The following ZNF469 variants were observed in gnomAD, a reference collection of about 807,000 sequenced individuals.
ZNF469 encodes the protein zinc finger protein 469.
Under a neutral mutation model 1.0 loss-of-function variants are expected in ZNF469, and 1 was observed. The observed-to-expected ratio is 1.00, with a 90% CI of 0.35 to 4.73. The LOEUF (loss-of-function observed/expected upper bound fraction) is 4.73, where lower values mean the gene tolerates loss of function less well. ZNF469 is among the 30% of genes most tolerant of loss of function. The pLI, the probability that ZNF469 is intolerant of heterozygous loss-of-function variation, is 0.16. For synonymous variants in ZNF469, 2,703 were observed against 2,363.4 expected, an observed-to-expected ratio of 1.14 and a Z score of -4.17; for missense variants, 6,100 against 5,356.3, an observed-to-expected ratio of 1.14 and a Z score of -4.33.
chr16:88,160,020 C>T, the ZNF469 span, among the ~76,000 whole-genome samples: 4 of 152,300 alleles, frequency 2.6e-5, no homozygotes, highest in African/African-American at 9.6e-5. Flanking sequence ...CTTGTTTTCC[C>T]CCTTTCTGAC....
At chr16:88,131,727 C>A in the ZNF469 span, among the ~76,000 whole-genome samples, 3 of 152,258 alleles carry the variant, frequency 2.0e-5, no homozygotes, top group African/African-American at 7.2e-5. Context: ...GGCCACACGG[C>A]GTCCACTGCA....
At chr16:88,420,063 G>A (rs1441805275) in intron 1 of ZNF469, among the ~76,000 whole-genome samples, 1 of 152,206 alleles carries the variant, frequency 6.6e-6, no homozygotes, top group Non-Finnish European at 1.5e-5. Flanking sequence ...TGGAAAGCGG[G>A]GCCACACGCA....
intron 1 of ZNF469, among the ~76,000 whole-genome samples, chr16:88,420,634 C>T (rs1265385703): frequency 1.3e-5 from 2 of 152,226 alleles, no homozygotes; most frequent in African/African-American, 4.8e-5. Flanking sequence ...GAGTTCACAC[C>T]ACACGCAATC....
intron 1 of ZNF469, among the ~76,000 whole-genome samples, chr16:88,414,786 C>T (rs1905262299): frequency 1.3e-5 from 2 of 152,384 alleles, no homozygotes; most frequent in African/African-American, 4.8e-5. Context: ...CTCACCAGGC[C>T]ACTGTGGCCA....
chr16:88,430,862 G>C lies in ZNF469; in HGVS notation c.3392G>C (p.Arg1131Thr). 1 of 1,537,060 alleles carries C rather than the reference G, an allele frequency of 6.5e-7. No individual in the cohort carries two copies. The highest frequency in any genetic ancestry group is 8.7e-7 in the Non-Finnish European group (1 of 1,146,196). The change falls in exon 3 of 3, where the codon AGA (arginine) becomes ACA (threonine). Residue 1131 changes from arginine (R) to threonine (T), a missense_variant. Transcript: ENST00000565624. ...GAAGTGGAGCTGACCCAGGGTCCCA[G>C]AGAGGATGAGCCACAGAAACCCCGG... The part of the protein sequence containing the change: ...RKEVELTQGP[R>T]EDEPQKPRKA...
the ZNF469 span, among the ~76,000 whole-genome samples, chr16:88,318,998 C>T: frequency 2.0e-5 from 3 of 152,334 alleles, no homozygotes; most frequent in South Asian, 2.1e-4. Flanking sequence ...CAGGACCAGA[C>T]GGGGCACCCC....
the ZNF469 span, among the ~76,000 whole-genome samples, chr16:88,254,133 T>C: frequency 6.6e-6 from 1 of 152,184 alleles, no homozygotes; most frequent in Non-Finnish European, 1.5e-5. Flanking sequence ...TCTGTAAACA[T>C]TACTGCTCTA....
chr16:88,176,764 C>CCAA, the ZNF469 span, among the ~76,000 whole-genome samples: 35 of 152,378 alleles, frequency 2.3e-4, 1 homozygote, highest in South Asian at 6.2e-4. Flanking sequence ...GCCACAACCC[C>CCAA]CAACGCCCAG....
chr16:88,262,789 A>G, the ZNF469 span, among the ~76,000 whole-genome samples: 8 of 152,066 alleles, frequency 5.3e-5, no homozygotes, highest in Admixed American at 2.0e-4. The surrounding 1 kb of genome is among the most constrained non-coding windows in gnomAD (Gnocchi z 4.3). Flanking sequence ...AAAGATTCTC[A>G]TAAACAGAGG....
At chr16:88,276,950 C>T in the ZNF469 span, among the ~76,000 whole-genome samples, 184 of 147,910 alleles carry the variant, frequency 1.2e-3, 2 homozygotes, top group East Asian at 0.025. Context: ...GATATCAGTG[C>T]GTGGTTAGTG....
At chr16:88,129,970 C>T in the ZNF469 span, among the ~76,000 whole-genome samples, 22 of 152,250 alleles carry the variant, frequency 1.4e-4, 1 homozygote, top group East Asian at 5.8e-4. Context: ...CAGTTTCAGA[C>T]TCAGCTTTTC....
At chr16:88,251,625 C>G in the ZNF469 span, among the ~76,000 whole-genome samples, 1 of 131,110 alleles carries the variant, frequency 7.6e-6, no homozygotes, top group Non-Finnish European at 1.5e-5. Context: ...GTGGCGTGAT[C>G]TCGGCTCACT....
chr16:88,303,876 CCACACTCAGTGCCA>C, the ZNF469 span, among the ~76,000 whole-genome samples: 19 of 152,288 alleles, frequency 1.2e-4, no homozygotes, highest in East Asian at 3.9e-4. Context: ...CCCACACAGG[CCACACTCAGTGCCA>C]CACACTCAGT....
intron 1 of ZNF469, among the ~76,000 whole-genome samples, chr16:88,383,794 G>C (rs1178988229): frequency 6.6e-6 from 1 of 152,134 alleles, no homozygotes; most frequent in Non-Finnish European, 1.5e-5. Flanking sequence ...CCCCGGACGG[G>C]GGTGGGAGCT....
At chr16:88,394,221 AC>A (rs1567499399) in intron 1 of ZNF469, among the ~76,000 whole-genome samples, 1 of 150,612 alleles carries the variant, frequency 6.6e-6, no homozygotes. Flanking sequence ...ACACATGTAC[AC>A]CTGTGCTGTC....
chr16:88,376,182 A>G, the ZNF469 span, among the ~76,000 whole-genome samples: 1 of 152,250 alleles, frequency 6.6e-6, no homozygotes, highest in Non-Finnish European at 1.5e-5. Flanking sequence ...CGCCCCAGCA[A>G]CACAAAAACA....
chr16:88,292,915 C>G, the ZNF469 span, among the ~76,000 whole-genome samples: 1 of 152,012 alleles, frequency 6.6e-6, no homozygotes, highest in Middle Eastern at 3.2e-3. Flanking sequence ...GACAGTCTCT[C>G]TGAGGAGCAC....
chr16:88,370,102 C>T, the ZNF469 span, among the ~76,000 whole-genome samples: 5 of 152,352 alleles, frequency 3.3e-5, no homozygotes, highest in East Asian at 7.7e-4. Context: ...CCTTTCTGAC[C>T]GCTGTCTGTC....
At chr16:88,386,289 C>T (rs1358151905) in intron 1 of ZNF469, among the ~76,000 whole-genome samples, 1 of 152,106 alleles carries the variant, frequency 6.6e-6, no homozygotes, top group East Asian at 1.9e-4. Context: ...GGCCACAGTC[C>T]AGCCCTGTTC....
Sources: allele counts gnomAD v4.1 joint callset (sites outside exome capture counted in the v4.1 genomes callset), GRCh38; gene constraint gnomAD v4.1.1; non-coding constraint Gnocchi (gnomAD v3.1); transcripts MANE v1.5; gene names NCBI Gene and HGNC (gene_info 2026-07-23, HGNC 2026-07-21).